Variants in CSTPP1 observed in about 807,000 individuals in gnomAD.
The protein encoded by CSTPP1 is centriolar satellite-associated tubulin polyglutamylase complex regulator 1.
chr11:47,049,015 T>C, the CSTPP1 span, among the ~76,000 whole-genome samples: 22 of 152,146 alleles, frequency 1.4e-4, no homozygotes, highest in Non-Finnish European at 2.8e-4. Context: ...AGACAGGGTC[T>C]TGCTCTGTCA....
the CSTPP1 span, among the ~76,000 whole-genome samples, chr11:47,067,109 A>G: frequency 2.0e-5 from 3 of 152,212 alleles, no homozygotes; most frequent in African/African-American, 7.2e-5. Flanking sequence ...AGATTCATAC[A>G]GATAAGTAGC....
the CSTPP1 span, among the ~76,000 whole-genome samples, chr11:47,025,204 A>C: frequency 6.6e-6 from 1 of 152,232 alleles, no homozygotes; most frequent in Non-Finnish European, 1.5e-5. Flanking sequence ...GTAAATATAC[A>C]TGACTACTGA....
the CSTPP1 span, chr11:47,161,600 G>A: frequency 6.2e-7 from 1 of 1,614,008 alleles, no homozygotes; most frequent in Non-Finnish European, 8.5e-7. Flanking sequence ...TGGAGAGAGT[G>A]ATGGCTCCAC....
chr11:47,051,748 G>A, the CSTPP1 span, among the ~76,000 whole-genome samples: 1 of 148,116 alleles, frequency 6.8e-6, no homozygotes, highest in Non-Finnish European at 1.5e-5. Flanking sequence ...CTGGAGTGCA[G>A]TGGCATGATC....
At chr11:46,973,811 T>C in the CSTPP1 span, among the ~76,000 whole-genome samples, 3 of 151,434 alleles carry the variant, frequency 2.0e-5, no homozygotes, top group African/African-American at 7.3e-5. Flanking sequence ...TGTGTGTGTC[T>C]GTGTGTCTGT....
the CSTPP1 span, among the ~76,000 whole-genome samples, chr11:46,982,160 G>T: frequency 4.0e-5 from 6 of 151,612 alleles, 1 homozygote; most frequent in East Asian, 1.2e-3. Flanking sequence ...ATTTAGTTCA[G>T]CAAACATTTA....
chr11:47,073,877 T>C, the CSTPP1 span, among the ~76,000 whole-genome samples: 10 of 152,228 alleles, frequency 6.6e-5, no homozygotes, highest in South Asian at 2.1e-3. Context: ...CTATGACTAC[T>C]ATGAAAAATT....
the CSTPP1 span, among the ~76,000 whole-genome samples, chr11:46,940,186 T>G: frequency 6.6e-6 from 1 of 152,244 alleles, no homozygotes; most frequent in Admixed American, 6.5e-5. Flanking sequence ...AAGTAATTTC[T>G]CAGTCAGTAG....
At chr11:47,104,043 A>G in the CSTPP1 span, among the ~76,000 whole-genome samples, 1 of 152,286 alleles carries the variant, frequency 6.6e-6, no homozygotes, top group East Asian at 1.9e-4. Context: ...TTTAATATAC[A>G]AACCTATAAC....
At chr11:47,015,783 G>A in the CSTPP1 span, among the ~76,000 whole-genome samples, 1 of 152,004 alleles carries the variant, frequency 6.6e-6, no homozygotes, top group African/African-American at 2.4e-5. Flanking sequence ...TAAAAACCAT[G>A]TGGGATTTAT....
chr11:47,052,731 A>G, the CSTPP1 span: 2 of 530,050 alleles, frequency 3.8e-6, no homozygotes, highest in African/African-American at 3.9e-5. Context: ...TGTCAAAGAT[A>G]TTACTATTAC....
At chr11:47,105,178 G>A in the CSTPP1 span, among the ~76,000 whole-genome samples, 1 of 152,112 alleles carries the variant, frequency 6.6e-6, no homozygotes, top group Non-Finnish European at 1.5e-5. Context: ...TTAAGTCCCT[G>A]TGCCTATTAT....
At chr11:47,123,265 A>C in the CSTPP1 span, 1 of 152,202 alleles carries the variant, frequency 6.6e-6, no homozygotes, top group African/African-American at 2.4e-5. Flanking sequence ...TGGCAACAGC[A>C]TCCTCTTCCC....
At chr11:46,950,530 T>TA in the CSTPP1 span, among the ~76,000 whole-genome samples, 1 of 152,084 alleles carries the variant, frequency 6.6e-6, no homozygotes, top group East Asian at 1.9e-4. Context: ...CATATATATA[T>TA]TTTTTAATAC....
chr11:47,004,918 G>T, the CSTPP1 span, among the ~76,000 whole-genome samples: 1 of 152,198 alleles, frequency 6.6e-6, no homozygotes, highest in Admixed American at 6.5e-5. Context: ...AATGTATTGA[G>T]AAACCACAGA....
At chr11:47,031,684 A>C in the CSTPP1 span, among the ~76,000 whole-genome samples, 1 of 151,482 alleles carries the variant, frequency 6.6e-6, no homozygotes, top group Admixed American at 6.6e-5. Context: ...GCAACAGAGA[A>C]AAACCCCATC....
the CSTPP1 span, chr11:47,162,039 C>A: frequency 9.0e-6 from 9 of 997,380 alleles, no homozygotes; most frequent in South Asian, 3.6e-4. Context: ...CACGCAGGGC[C>A]TTGCACCATC....
the CSTPP1 span, among the ~76,000 whole-genome samples, chr11:47,079,374 C>G: frequency 6.6e-6 from 1 of 152,166 alleles, no homozygotes; most frequent in Non-Finnish European, 1.5e-5. Context: ...ATAGATAAAG[C>G]ATTTCTGATG....
chr11:46,980,084 A>C, the CSTPP1 span, among the ~76,000 whole-genome samples: 9 of 152,246 alleles, frequency 5.9e-5, no homozygotes, highest in East Asian at 1.5e-3. Context: ...AAACAAAAAA[A>C]CAAAAAAACC....
Sources: allele counts gnomAD v4.1 joint callset (sites outside exome capture counted in the v4.1 genomes callset), GRCh38; gene constraint gnomAD v4.1.1; transcripts MANE v1.5; gene names NCBI Gene and HGNC (gene_info 2026-07-23, HGNC 2026-07-21).